The following FBXW8 variants were observed in gnomAD, a reference collection of about 807,000 sequenced individuals.
The protein encoded by FBXW8 is F-box and WD repeat domain containing 8, also known as F-box/WD repeat-containing protein 8.
A neutral mutation model predicts 65.3 loss-of-function variants in FBXW8; 57 were observed. The ratio of observed to expected loss-of-function variants is 0.87; its 90% CI spans 0.71 to 1.09. FBXW8 has a LOEUF of 1.09. Among genes scored for constraint, FBXW8 ranks in the 50% least tolerant of loss-of-function variants. The probability of loss-of-function intolerance (pLI) is 0.00; values close to 1 mark genes in which losing one functional copy is unlikely to be tolerated. For missense variants in FBXW8, 777 were observed against 814.8 expected, an observed-to-expected ratio of 0.95 and a Z score of 0.57; for synonymous variants, 308 against 330.2, an observed-to-expected ratio of 0.93 and a Z score of 0.73.
At chr12:116,975,378 C>G (rs914279567) in intron 5 of FBXW8, among the ~76,000 whole-genome samples, 2 of 152,200 alleles carry the variant, frequency 1.3e-5, no homozygotes, top group Non-Finnish European at 2.9e-5. Flanking sequence ...GCCCTTCCTT[C>G]CAGGCAGTGC....
intron 2 of FBXW8, among the ~76,000 whole-genome samples, chr12:116,932,968 G>C (rs550386236): frequency 6.6e-6 from 1 of 151,978 alleles, no homozygotes; most frequent in Non-Finnish European, 1.5e-5. Flanking sequence ...TTTTTGATGC[G>C]GAGTGTGTGT....
rs117819209 is a variant in FBXW8, at chr12:116,983,284, A to G, written c.836-1922A>G. ...TAGAGCCACTGGCATTTTCTGCAGC[A>G]TATTTTTCTCTTCTGAGTCAGGATG... On this transcript the variant is annotated intron_variant, in intron 5 of 10. Coordinates refer to ENST00000652555, the MANE Select transcript of FBXW8 (RefSeq NM_153348.3). Among the ~76,000 whole-genome samples, 806 of 152,328 alleles carry G rather than the reference A, an allele frequency of 5.3e-3. 32 individuals are homozygous for G. The highest frequency in any genetic ancestry group is 0.04 in the Admixed American group (604 of 15,286).
intron 4 of FBXW8, among the ~76,000 whole-genome samples, chr12:116,952,414 AC>A: frequency 1.3e-5 from 2 of 152,298 alleles, no homozygotes; most frequent in South Asian, 4.2e-4. Context: ...TAGTAGATTT[AC>A]AAGGTTGTGC....
chr12:117,028,450 C>A lies in FBXW8; in HGVS notation c.*278C>A, dbSNP rs1230619848. On this transcript the variant is annotated 3_prime_UTR_variant, in exon 11 of 11. Transcript: ENST00000652555. The surrounding 1 kb of genome is among the most constrained non-coding windows in gnomAD (Gnocchi z 4.1). ...CCTGGCCTCAGCTCCCTCAGGACGC[C>A]TCAGGGATCTCGCTGCGCGGTCCTA... 6.2e-6 allele frequency: 3 copies of A among 485,088 alleles called. No individual in the cohort carries two copies. The highest frequency in any genetic ancestry group is 7.5e-6 in the Non-Finnish European group (2 of 265,220). The allele number at this position is 485,088 out of a possible 1,614,324, so 30.0% of individuals were successfully genotyped here.
At chr12:116,937,886 T>A (rs1240035604) in intron 2 of FBXW8, among the ~76,000 whole-genome samples, 2 of 151,456 alleles carry the variant, frequency 1.3e-5, no homozygotes, top group Non-Finnish European at 2.9e-5. Context: ...TTCACAGTGG[T>A]GCTATAAAGC....
rs747991127 is a variant in FBXW8, at chr12:116,945,364, G to A, written c.424G>A (p.Val142Met). ...ATTTGTGTCACTTCTGCTGTTTTAG[G>A]TGAGCAAGACGTGGAAGGTGATTGC... ...DRKELGRCAQ[V>M]SKTWKVIAED... Residue 142 changes from valine to methionine, a missense_variant and splice_region_variant, in exon 3 of 11, where the codon GTG (valine) becomes ATG (methionine). Transcript: ENST00000652555. The A allele has an allele frequency of 8.7e-6, 14 of 1,608,840 alleles. No individual in the cohort carries two copies. The highest frequency in any genetic ancestry group is 1.3e-5 in the African/African-American group (1 of 74,820).
chr12:116,938,342 C>T (rs1191762146), intron 2 of FBXW8, among the ~76,000 whole-genome samples: 1 of 152,126 alleles, frequency 6.6e-6, no homozygotes, highest in African/African-American at 2.4e-5. Context: ...TTAAGTCTCT[C>T]AAAGAGATTT....
rs1349468775 is a variant in FBXW8, at chr12:117,024,211, G to A, written c.1432G>A (p.Val478Ile). ...ALSLSAHQLR[V>I]SAVQMDDWKI... ...GTCGCTCTCCGCCCATCAGCTCAGG[G>A]TCTCTGCTGTGCAGATGGATGACTG... is the stretch of plus-strand genomic sequence containing the variant. The change falls in exon 9 of 11, where the codon GTC becomes ATC. Residue 478 changes from valine to isoleucine, a missense_variant. Physicochemically the swap from Val to Ile is conservative, Grantham distance 29 (BLOSUM62 3). Coordinates refer to ENST00000652555, the MANE Select transcript of FBXW8 (RefSeq NM_153348.3). 2 of 1,614,066 alleles carry A rather than the reference G, an allele frequency of 1.2e-6. No individual in the cohort carries two copies. The highest frequency in any genetic ancestry group is 2.7e-5 in the African/African-American group (2 of 74,914).
chr12:117,006,633 C>T (rs756832050), intron 7 of FBXW8, among the ~76,000 whole-genome samples: 33 of 152,326 alleles, frequency 2.2e-4, no homozygotes, highest in Non-Finnish European at 4.1e-4. Flanking sequence ...AGAAGATGAT[C>T]GGTGGGTCTC....
At chr12:117,020,372 G>A (rs144131909) in intron 8 of FBXW8, among the ~76,000 whole-genome samples, 78 of 152,104 alleles carry the variant, frequency 5.1e-4, no homozygotes, top group African/African-American at 1.7e-3. Flanking sequence ...TGTTTGATTC[G>A]TGTGCATTGA....
rs367709612 is a variant in FBXW8, at chr12:117,021,901, G to A, written c.1368-2246G>A. 9.8e-5 allele frequency among the ~76,000 whole-genome samples: 15 copies of A among 152,292 alleles called. No individual in the cohort carries two copies. In the South Asian group the frequency reaches 3.1e-3, roughly 32 times the overall value. On this transcript the variant is annotated intron_variant, in intron 8 of 10. Coordinates refer to ENST00000652555, the MANE Select transcript of FBXW8 (RefSeq NM_153348.3). ...CCCGTTGCTTTCGGCTTCCATGGAC[G>A]TGACTGCCTGGTTTTTCGTTGATTC... is the stretch of plus-strand genomic sequence containing the variant.
chr12:116,995,458 G>A (rs1360133716), intron 7 of FBXW8, among the ~76,000 whole-genome samples: 2 of 152,164 alleles, frequency 1.3e-5, no homozygotes, highest in African/African-American at 4.8e-5. Context: ...GAAATGGGCC[G>A]AGGAATCCAT....
chr12:116,969,073 T>C (rs979900800), intron 5 of FBXW8, among the ~76,000 whole-genome samples: 3 of 152,200 alleles, frequency 2.0e-5, no homozygotes, highest in South Asian at 2.1e-4. Context: ...TGTGCTCTGT[T>C]TCAGTTGGTC....
chr12:116,983,586 A>G (rs1885464114), intron 5 of FBXW8, among the ~76,000 whole-genome samples: 1 of 152,200 alleles, frequency 6.6e-6, no homozygotes. Flanking sequence ...CTAAACTCAA[A>G]GCATTTATAG....
At chr12:116,980,927 A>G (rs1885263391) in intron 5 of FBXW8, among the ~76,000 whole-genome samples, 2 of 152,246 alleles carry the variant, frequency 1.3e-5, no homozygotes, top group South Asian at 2.1e-4. Context: ...TTCAATTCTT[A>G]TATGTCACTA....
chr12:117,025,421 T>A (rs1173772395), intron 9 of FBXW8, among the ~76,000 whole-genome samples: 1 of 152,180 alleles, frequency 6.6e-6, no homozygotes, highest in East Asian at 1.9e-4. Context: ...CCACAGGAAC[T>A]AAGATTTGTT....
intron 7 of FBXW8, among the ~76,000 whole-genome samples, chr12:116,996,512 C>CA (rs11387995): frequency 0.69 from 101,731 of 147,676 alleles, 38,803 homozygotes; most frequent in Non-Finnish European, 0.84. Context: ...GTCCAGAGAA[C>CA]AAAAAAAAAA....
At chr12:116,996,018 C>T (rs1337450425) in intron 7 of FBXW8, among the ~76,000 whole-genome samples, 2 of 152,070 alleles carry the variant, frequency 1.3e-5, no homozygotes, top group African/African-American at 2.4e-5. Context: ...GTTAGAAGAC[C>T]GAATTGCCTT....
chr12:117,011,507 AGT>A (rs1029476731), intron 8 of FBXW8, among the ~76,000 whole-genome samples: 1 of 152,122 alleles, frequency 6.6e-6, no homozygotes, highest in Non-Finnish European at 1.5e-5. Flanking sequence ...TGAACTCCTC[AGT>A]GTGTGTGTGG....
Sources: allele counts gnomAD v4.1 joint callset (sites outside exome capture counted in the v4.1 genomes callset), GRCh38; gene constraint gnomAD v4.1.1; non-coding constraint Gnocchi (gnomAD v3.1); transcripts MANE v1.5; gene names NCBI Gene and HGNC (gene_info 2026-07-23, HGNC 2026-07-21).